Variants in MOV10L1 observed in about 807,000 individuals in gnomAD.
The protein encoded by MOV10L1 is Mov10 like RNA helicase 1, also known as RNA helicase Mov10l1.
MOV10L1 carries 110 observed loss-of-function variants against 143.8 expected under a neutral mutation model. The observed-to-expected ratio is 0.76, with a 90% confidence interval of 0.66 to 0.90. MOV10L1 has a LOEUF of 0.90. Ranked by LOEUF, MOV10L1 falls within the 40% of genes least tolerant of loss-of-function variation. The pLI, the probability that MOV10L1 is intolerant of heterozygous loss-of-function variation, is 0.00. For missense variants in MOV10L1, 1,406 were observed against 1,526.8 expected (o/e 0.92, Z 1.32); for synonymous variants, 593 against 581.1 (o/e 1.02, Z -0.29).
intron 2 of MOV10L1, among the ~76,000 whole-genome samples, chr22:50,098,555 T>C (rs1273089105): frequency 6.6e-6 from 1 of 152,230 alleles, no homozygotes; most frequent in African/African-American, 2.4e-5. Context: ...TCATTGCAAA[T>C]GTATGGAAAT....
rs1267979752 is a variant in MOV10L1 at position 50,159,858 on chromosome 22, T to G, written c.3324+73T>G. ...CCCTGGGGGTTCTGGGGGCTTCAGA[T>G]CTAAAGGGGCAGAGGCTGATTCCCA... is the stretch of plus-strand genomic sequence containing the variant. On this transcript the variant is annotated intron_variant, in intron 24 of 26. Transcript: ENST00000262794. This position sits in a 1 kb window ranked among gnomAD's most constrained non-coding sequence, Gnocchi z 4.1. The G allele has an allele frequency of 7.8e-6, 8 of 1,019,822 alleles. No homozygotes were observed. Among genetic ancestry groups the G allele is most frequent in the Non-Finnish European group, 4.5e-6 (3 of 663,978 alleles). The allele number at this position is 1,019,822 out of a possible 1,614,324, so 63.2% of individuals were successfully genotyped here. A position where few individuals can be genotyped will look rare whatever the true frequency, so the allele number is the denominator to read the frequency against.
At chr22:50,149,475 CCAGACCCCCAGCTCCTGCACA>C (rs1405640798) in intron 19 of MOV10L1, 119 bp from the exon 20 acceptor site, 88 of 711,192 alleles carry the variant, frequency 1.2e-4, no homozygotes, top group Non-Finnish European at 2.3e-6. Flanking sequence ...CGGGTGACAC[CCAGACCCCCAGCTCCTGCACA>C]CCCCTGGGCA....
In MOV10L1 at chr22:50,158,355, T is replaced by G; in HGVS notation, c.3216+149T>G. Reference sequence around the variant, plus strand: ...GACCGCACTTGAATGTCGTTCAACATGAGAGGTCACCCAACTGCCATCCAT... The same window carrying G: ...GACCGCACTTGAATGTCGTTCAACAGGAGAGGTCACCCAACTGCCATCCAT... On this transcript the variant is annotated intron_variant, in intron 23 of 26. Coordinates refer to ENST00000262794, the MANE Select transcript of MOV10L1 (RefSeq NM_018995.3). This position sits in a 1 kb window ranked among gnomAD's most constrained non-coding sequence, Gnocchi z 5.0. 1.0e-6 allele frequency: 1 copy of G among 976,974 alleles called. No homozygotes were observed. The highest frequency in any genetic ancestry group is 1.5e-6 in the Non-Finnish European group (1 of 681,086). The allele number at this position is 976,974 out of a possible 1,614,324, so 60.5% of individuals were successfully genotyped here.
rs768000233 is a variant in MOV10L1, at chr22:50,142,086, G to A, written c.2076G>A (p.Arg692=). The change falls in exon 16 of 27, where the codon AGG becomes AGA. Residue 692 remains arginine (R), a synonymous_variant. Coordinates refer to ENST00000262794, the MANE Select transcript of MOV10L1 (RefSeq NM_018995.3). The part of the protein sequence containing the change: ...SSGQSTSKKN[R]KTMTDQAEHG... ...TTCTGCCTGATAATTTCTAGAATAG[G>A]AAAACAATGACGGACCAAGCTGAGC... 2.4e-5 allele frequency: 39 copies of A among 1,606,326 alleles called. 1 individual carries two copies. In the South Asian group the frequency reaches 4.3e-4, roughly 18 times the overall value.
At chr22:50,144,852 A>G (rs1189006978) in intron 18 of MOV10L1, among the ~76,000 whole-genome samples, 1 of 152,176 alleles carries the variant, frequency 6.6e-6, no homozygotes, top group Non-Finnish European at 1.5e-5. Context: ...AAGTGCTGGG[A>G]TTACAGGCGT....
chr22:50,133,490 G>A (rs914363305), intron 13 of MOV10L1, among the ~76,000 whole-genome samples: 1 of 144,502 alleles, frequency 6.9e-6, no homozygotes, highest in Non-Finnish European at 1.5e-5. Context: ...GAATGGGTGT[G>A]GGATTTTGTC....
intron 10 of MOV10L1, among the ~76,000 whole-genome samples, chr22:50,123,882 GT>G (rs2062421711): frequency 6.6e-6 from 1 of 151,998 alleles, no homozygotes; most frequent in Non-Finnish European, 1.5e-5. Context: ...GTCTTGGTAG[GT>G]TTTGTGTTTC....
chr22:50,098,863 G>A (rs1166222688), intron 2 of MOV10L1, among the ~76,000 whole-genome samples: 1 of 152,138 alleles, frequency 6.6e-6, no homozygotes, highest in East Asian at 1.9e-4. Flanking sequence ...CTAGTTTATT[G>A]AGTGTTTGCA....
intron 3 of MOV10L1, among the ~76,000 whole-genome samples, chr22:50,105,200 C>T (rs2061838448): frequency 6.6e-6 from 1 of 152,076 alleles, no homozygotes; most frequent in Non-Finnish European, 1.5e-5. Context: ...GTATTTTTTT[C>T]TATTGAAATA....
intron 11 of MOV10L1, among the ~76,000 whole-genome samples, 200 bp downstream of exon 11, chr22:50,125,769 C>A (rs1411754737): frequency 6.6e-6 from 1 of 151,852 alleles, no homozygotes; most frequent in Non-Finnish European, 1.5e-5. Flanking sequence ...GCAGTTGACC[C>A]CAGTAATGTT....
intron 1 of MOV10L1, chr22:50,090,692 G>A: frequency 1.3e-6 from 1 of 787,922 alleles, no homozygotes; most frequent in Non-Finnish European, 2.1e-6. Flanking sequence ...GTGTGTGTGT[G>A]TGAGACGGAG....
intron 5 of MOV10L1, among the ~76,000 whole-genome samples, chr22:50,112,625 G>A (rs1460430666): frequency 3.3e-5 from 5 of 152,236 alleles, no homozygotes; most frequent in Admixed American, 6.5e-5. Context: ...AGCTGCTGGG[G>A]TGGGTGAGCC....
rs945906222 is a variant in MOV10L1 at position 50,096,659 on chromosome 22, T to C, written c.283-2784T>C. 3.9e-5 allele frequency among the ~76,000 whole-genome samples: 6 copies of C among 152,330 alleles called. No homozygotes were observed. In the East Asian group the frequency reaches 9.6e-4, roughly 24 times the overall value. On this transcript the variant is annotated intron_variant, in intron 2 of 26. Coordinates refer to ENST00000262794, the MANE Select transcript of MOV10L1 (RefSeq NM_018995.3). ...TTGCTATTTTCTTTTTCTTTTTTTTTCTTTTGACAGTAGCTATTCCTCGTA... is the reference window on the plus strand; with the variant it reads ...TTGCTATTTTCTTTTTCTTTTTTTTCCTTTTGACAGTAGCTATTCCTCGTA...
chr22:50,146,075 G>A (rs2063144816), intron 19 of MOV10L1, among the ~76,000 whole-genome samples: 1 of 152,142 alleles, frequency 6.6e-6, no homozygotes, highest in Non-Finnish European at 1.5e-5. Flanking sequence ...GGGGAGCACT[G>A]AGGTCTCCCC....
chr22:50,150,516 C>T (rs2063268938), intron 20 of MOV10L1, among the ~76,000 whole-genome samples: 1 of 152,044 alleles, frequency 6.6e-6, no homozygotes, highest in African/African-American at 2.4e-5. Context: ...GGGCAGATGG[C>T]AGGACTTCGG....
At chr22:50,146,157 G>A (rs998177156) in intron 19 of MOV10L1, among the ~76,000 whole-genome samples, 3 of 146,306 alleles carry the variant, frequency 2.1e-5, no homozygotes, top group Non-Finnish European at 1.5e-5. Flanking sequence ...GAGGCCTGGC[G>A]GGCTGTGGAG....
intron 5 of MOV10L1, among the ~76,000 whole-genome samples, chr22:50,112,881 G>A (rs1451718645): frequency 6.6e-6 from 1 of 152,206 alleles, no homozygotes; most frequent in Non-Finnish European, 1.5e-5. Flanking sequence ...CTCTGCCCCT[G>A]TACCTCCCTT....
chr22:50,134,180 G>T (rs2062756538), intron 14 of MOV10L1, 115 bp downstream of exon 14: 2 of 773,732 alleles, frequency 2.6e-6, no homozygotes, highest in African/African-American at 1.8e-5. Context: ...TAAAACTTTT[G>T]TTATATTCAT....
chr22:50,108,223 C>T lies in MOV10L1; in HGVS notation c.530C>T (p.Pro177Leu), dbSNP rs776869256. ...TWSSEATSVKPLRYKRVDKVC... is the reference protein window; with the variant it reads ...TWSSEATSVKLLRYKRVDKVC... ...AGCAGCGAAGCCACCTCAGTGAAGCCACTGAGATACAAGCGCGTGGACAAG... is the reference window on the plus strand; with the variant it reads ...AGCAGCGAAGCCACCTCAGTGAAGCTACTGAGATACAAGCGCGTGGACAAG... The change falls in exon 4 of 27, where the codon CCA becomes CTA. Residue 177 changes from proline to leucine, a missense_variant. Around this residue, in one of 3 missense-constraint regions of MOV10L1, gnomAD observed 1,233 missense variants for 1,351.4 expected, o/e 0.91. Coordinates refer to ENST00000262794, the MANE Select transcript of MOV10L1 (RefSeq NM_018995.3). The T allele has an allele frequency of 6.2e-7, 1 of 1,613,954 alleles. No individual in the cohort carries two copies. The highest frequency in any genetic ancestry group is 8.5e-7 in the Non-Finnish European group (1 of 1,179,968).
Sources: gnomAD v4.1 joint callset for allele counts (sites outside exome capture counted in the v4.1 genomes callset) on GRCh38, gnomAD v4.1.1 for gene constraint, gnomAD v4.1.1 regional missense constraint, Gnocchi (gnomAD v3.1) non-coding constraint, MANE v1.5 for transcripts, NCBI Gene and HGNC (gene_info 2026-07-23, HGNC 2026-07-21) for gene names.